The following RIC8B variants were observed in gnomAD, a reference collection of about 807,000 sequenced individuals.
RIC8B encodes RIC8 guanine nucleotide exchange factor B.
RIC8B carries 16 observed loss-of-function variants against 57.5 expected under a neutral mutation model. That is an observed-to-expected ratio of 0.28 (90% CI 0.19 to 0.42). The LOEUF (loss-of-function observed/expected upper bound fraction) is 0.42, where lower values mean the gene tolerates loss of function less well. Among genes scored for constraint, RIC8B ranks in the 10% least tolerant of loss-of-function variants. RIC8B has a pLI of 1.00. For missense variants in RIC8B, 481 were observed against 677.0 expected, an observed-to-expected ratio of 0.71 and a Z score of 3.21; for synonymous variants, 216 against 250.8, an observed-to-expected ratio of 0.86 and a Z score of 1.31.
intron 2 of RIC8B, among the ~76,000 whole-genome samples, chr12:106,811,878 T>C (rs2045349094): frequency 6.6e-6 from 1 of 152,048 alleles, no homozygotes; most frequent in Non-Finnish European, 1.5e-5. Flanking sequence ...AAAGGGGAAA[T>C]ACAAGAGCAC....
chr12:106,779,217 A>G (rs1475705204), intron 1 of RIC8B, among the ~76,000 whole-genome samples: 2 of 141,156 alleles, frequency 1.4e-5, no homozygotes, highest in African/African-American at 5.4e-5. Flanking sequence ...CTGGCTGGGC[A>G]TATCCTCCTA....
chr12:106,784,419 A>G (rs902656629), intron 2 of RIC8B, among the ~76,000 whole-genome samples: 14 of 152,218 alleles, frequency 9.2e-5, no homozygotes, highest in Non-Finnish European at 2.9e-5. Context: ...TCTATCACCC[A>G]GGTTGGAGTG....
intron 8 of RIC8B, among the ~76,000 whole-genome samples, chr12:106,868,018 A>G (rs1950212710): frequency 1.3e-5 from 2 of 152,228 alleles, no homozygotes; most frequent in African/African-American, 2.4e-5. Context: ...AGCTAATTTC[A>G]GAGCAAACCA....
chr12:106,800,818 G>C lies in RIC8B; in HGVS notation c.133-13878G>C, dbSNP rs2044698768. On this transcript the variant is annotated intron_variant, in intron 2 of 9. Transcript: ENST00000392837. ...TTCCAAAGAGATTGTATATAGGAAA[G>C]AACTTGATTCACTAAAAAGGCAAAG... 2.0e-5 allele frequency among the ~76,000 whole-genome samples: 3 copies of C among 152,104 alleles called. No individual in the cohort carries two copies. The South Asian group carries it at 6.2e-4, about 32-fold the overall frequency.
At chr12:106,803,797 T>C (rs1256509278) in intron 2 of RIC8B, among the ~76,000 whole-genome samples, 1 of 152,202 alleles carries the variant, frequency 6.6e-6, no homozygotes, top group Non-Finnish European at 1.5e-5. Context: ...CTTATTTCAA[T>C]CAGAAAAACA....
intron 1 of RIC8B, among the ~76,000 whole-genome samples, chr12:106,778,664 G>A (rs191334754): frequency 7.3e-4 from 111 of 152,306 alleles, no homozygotes; most frequent in Middle Eastern, 3.4e-3. Context: ...AGAAATGGCA[G>A]ACCTGGTCTT....
intron 9 of RIC8B, among the ~76,000 whole-genome samples, chr12:106,875,067 T>C (rs1375598510): frequency 6.6e-6 from 1 of 152,168 alleles, no homozygotes; most frequent in Non-Finnish European, 1.5e-5. Context: ...CTTAAGACTT[T>C]AAAGTACACT....
chr12:106,781,963 A>G (rs1160377505), intron 1 of RIC8B, among the ~76,000 whole-genome samples: 1 of 152,104 alleles, frequency 6.6e-6, no homozygotes, highest in African/African-American at 2.4e-5. Flanking sequence ...CCTCAGGTCT[A>G]TACATTTCTA....
chr12:106,812,020 AAT>A (rs1332689791), intron 2 of RIC8B, among the ~76,000 whole-genome samples: 1 of 151,090 alleles, frequency 6.6e-6, no homozygotes, highest in African/African-American at 2.4e-5. Flanking sequence ...TAAAACATTA[AAT>A]ATGTCTATTA....
chr12:106,862,024 G>A (rs1010739185), intron 8 of RIC8B, among the ~76,000 whole-genome samples: 11 of 152,066 alleles, frequency 7.2e-5, no homozygotes, highest in African/African-American at 2.4e-4. Context: ...ATAGAATTAT[G>A]TTACATTGTG....
At position 106,867,284 on chromosome 12, in the gene RIC8B, T is replaced by C. The variant is rs2136559348; in HGVS notation, c.1452-3539T>C. Reference sequence around the variant, plus strand: ...GTTGTCAGTTCATATAATAGTCTTATACAAAATTTATGATGAAATACCACA... The same window carrying C: ...GTTGTCAGTTCATATAATAGTCTTACACAAAATTTATGATGAAATACCACA... On this transcript the variant is annotated intron_variant, in intron 8 of 9. Coordinates refer to ENST00000392837, the MANE Select transcript of RIC8B (RefSeq NM_001330145.2). This position sits in a 1 kb window ranked among gnomAD's most constrained non-coding sequence, Gnocchi z 4.3. 6.6e-6 allele frequency among the ~76,000 whole-genome samples: 1 copy of C among 152,328 alleles called. No individual in the cohort carries two copies. Among genetic ancestry groups the C allele is most frequent in the East Asian group, 1.9e-4 (1 of 5,192 alleles).
At chr12:106,837,274 A>AT (rs1349852939) in intron 4 of RIC8B, among the ~76,000 whole-genome samples, 1 of 152,120 alleles carries the variant, frequency 6.6e-6, no homozygotes, top group Non-Finnish European at 1.5e-5. Flanking sequence ...AGGCAGGAGA[A>AT]TCGCTTGAAC....
chr12:106,838,335 ATTAAAGAC>A (rs1328519571), intron 4 of RIC8B, among the ~76,000 whole-genome samples: 7 of 152,152 alleles, frequency 4.6e-5, no homozygotes, highest in Non-Finnish European at 7.3e-5. Context: ...CTCAAAATAG[ATTAAAGAC>A]TTAAATGTAA....
intron 2 of RIC8B, among the ~76,000 whole-genome samples, chr12:106,800,759 T>C (rs1373183373): frequency 6.6e-6 from 1 of 152,132 alleles, no homozygotes; most frequent in Non-Finnish European, 1.5e-5. Context: ...TTGAGTGTTG[T>C]GGAGTAGATG....
chr12:106,813,738 G>C (rs1417172442), intron 2 of RIC8B, among the ~76,000 whole-genome samples: 1 of 152,072 alleles, frequency 6.6e-6, no homozygotes, highest in East Asian at 1.9e-4. Context: ...ATCTTATATT[G>C]GTAATAGTAG....
intron 2 of RIC8B, among the ~76,000 whole-genome samples, chr12:106,802,020 G>T (rs1053550792): frequency 6.6e-6 from 1 of 152,164 alleles, no homozygotes; most frequent in Admixed American, 6.6e-5. Flanking sequence ...GATCCTTGTG[G>T]AATATATATC....
At chr12:106,850,705 A>G (rs1444303344) in intron 6 of RIC8B, among the ~76,000 whole-genome samples, 4 of 152,220 alleles carry the variant, frequency 2.6e-5, no homozygotes, top group Non-Finnish European at 5.9e-5. Context: ...ACAGCAACTA[A>G]TGCATAGAAA....
At chr12:106,857,325 C>G (rs1432888981) in intron 7 of RIC8B, among the ~76,000 whole-genome samples, 2 of 152,120 alleles carry the variant, frequency 1.3e-5, no homozygotes, top group African/African-American at 2.4e-5. Flanking sequence ...GGGGAATGGT[C>G]TCTGGGTAGA....
intron 2 of RIC8B, among the ~76,000 whole-genome samples, chr12:106,803,563 A>G (rs1258279976): frequency 1.3e-5 from 2 of 152,152 alleles, no homozygotes; most frequent in African/African-American, 4.8e-5. Context: ...GTTTCTTGTA[A>G]ATAAAACAAA....
Sources: gnomAD v4.1 joint callset for allele counts (sites outside exome capture counted in the v4.1 genomes callset) on GRCh38, gnomAD v4.1.1 for gene constraint, Gnocchi (gnomAD v3.1) non-coding constraint, MANE v1.5 for transcripts, NCBI Gene and HGNC (gene_info 2026-07-23, HGNC 2026-07-21) for gene names.